The following GKAP1 variants were observed in gnomAD, a reference collection of about 807,000 sequenced individuals.
GKAP1 encodes the protein G kinase anchoring protein 1, also known as G kinase-anchoring protein 1.
Under a neutral mutation model 56.7 loss-of-function variants are expected in GKAP1, and 31 were observed. The observed-to-expected ratio is 0.55, with a 90% CI of 0.41 to 0.74. The LOEUF is 0.74. GKAP1 is among the 30% of genes least tolerant of loss of function. The pLI is 0.00. For synonymous variants in GKAP1, 151 were observed against 138.6 expected (o/e 1.09, Z -0.63); for missense variants, 364 against 402.3 (o/e 0.90, Z 0.82).
At chr9:83,812,998 G>A (rs1944533745) in intron 2 of GKAP1, among the ~76,000 whole-genome samples, 1 of 152,070 alleles carries the variant, frequency 6.6e-6, no homozygotes, top group South Asian at 2.1e-4. Flanking sequence ...ATCTTGATAA[G>A]AAGAAACAAA....
chr9:83,802,228 C>T (rs1944341959), intron 3 of GKAP1, among the ~76,000 whole-genome samples: 1 of 152,160 alleles, frequency 6.6e-6, no homozygotes, highest in Non-Finnish European at 1.5e-5. Flanking sequence ...CACCTGCAAT[C>T]CCAGTACTTT....
intron 4 of GKAP1, 31 bp downstream of exon 4, chr9:83,799,154 A>C: frequency 6.2e-7 from 1 of 1,604,452 alleles, no homozygotes; most frequent in Non-Finnish European, 8.5e-7. Context: ...ATTCAATGAA[A>C]AACAAAGCAA....
At chr9:83,783,079 A>C (rs1944004371) in intron 6 of GKAP1, among the ~76,000 whole-genome samples, 1 of 152,220 alleles carries the variant, frequency 6.6e-6, no homozygotes, top group Non-Finnish European at 1.5e-5. Flanking sequence ...GGAAAACAAT[A>C]TAATCTTCTA....
intron 7 of GKAP1, among the ~76,000 whole-genome samples, chr9:83,774,985 G>C (rs1376886981): frequency 6.7e-6 from 1 of 149,530 alleles, no homozygotes; most frequent in African/African-American, 2.4e-5. Context: ...GGGATTACAG[G>C]GGTGACCCAC....
At chr9:83,740,612 C>T (rs1318168713) in intron 12 of GKAP1, among the ~76,000 whole-genome samples, 1 of 152,048 alleles carries the variant, frequency 6.6e-6, no homozygotes, top group East Asian at 1.9e-4. Flanking sequence ...TCAGAATTAC[C>T]TAAGCAGTAA....
chr9:83,806,631 A>AC (rs1465096014), intron 2 of GKAP1, 71 bp from the exon 3 acceptor site: 1 of 823,158 alleles, frequency 1.2e-6, no homozygotes, highest in African/African-American at 1.7e-5. Context: ...TTCTAAAACA[A>AC]CCATATGTAG....
At chr9:83,801,798 A>C (rs940325278) in intron 3 of GKAP1, among the ~76,000 whole-genome samples, 1 of 152,208 alleles carries the variant, frequency 6.6e-6, no homozygotes, top group Non-Finnish European at 1.5e-5. Flanking sequence ...AAAAGAAAAT[A>C]GTGGGCAATC....
At chr9:83,787,397 C>T (rs1944083044) in intron 5 of GKAP1, among the ~76,000 whole-genome samples, 1 of 114,632 alleles carries the variant, frequency 8.7e-6, no homozygotes, top group South Asian at 2.8e-4. Flanking sequence ...CCACCATGCC[C>T]AGCTAATTAA....
At chr9:83,814,808 C>T (rs1438008228) in intron 2 of GKAP1, among the ~76,000 whole-genome samples, 3 of 152,206 alleles carry the variant, frequency 2.0e-5, no homozygotes, top group Non-Finnish European at 2.9e-5. Flanking sequence ...TGTTTCATTA[C>T]GGTAAGTACT....
chr9:83,775,648 G>T (rs530233371), intron 7 of GKAP1, among the ~76,000 whole-genome samples: 4 of 151,976 alleles, frequency 2.6e-5, no homozygotes, highest in African/African-American at 9.6e-5. Flanking sequence ...GGCCAAGGCC[G>T]GTAGATCACT....
chr9:83,748,518 C>A (rs1056232222), intron 9 of GKAP1, 146 bp from the exon 10 acceptor site: 1 of 486,160 alleles, frequency 2.1e-6, no homozygotes, highest in Admixed American at 3.9e-5. Context: ...AAAATGTATT[C>A]GGAACTATCT....
chr9:83,763,639 C>T (rs1361171554), intron 8 of GKAP1, among the ~76,000 whole-genome samples: 3 of 152,176 alleles, frequency 2.0e-5, no homozygotes. Flanking sequence ...TTTCTCCTCA[C>T]AAAGCCATCT....
At chr9:83,745,019 A>C (rs1172193765) in intron 10 of GKAP1, among the ~76,000 whole-genome samples, 1 of 152,118 alleles carries the variant, frequency 6.6e-6, no homozygotes, top group Non-Finnish European at 1.5e-5. Context: ...TTACAATTCA[A>C]GGTGAGATTT....
Position 83,751,729 on chromosome 9 carries a change from C to T in GKAP1, c.840+1529G>A, listed in dbSNP as rs1226288670. Among the ~76,000 whole-genome samples, 3 of 148,648 alleles carry T rather than the reference C, an allele frequency of 2.0e-5. No homozygotes were observed. The East Asian group carries it at 5.9e-4, about 29-fold the overall frequency. On this transcript the variant is annotated intron_variant, in intron 9 of 12. Transcript: ENST00000376371. Reference sequence around the variant, plus strand: ...TCATATTAGTCAAAAAGGAATGATACTTGATATGAATAACAGATTTAAAAA... The same window carrying T: ...TCATATTAGTCAAAAAGGAATGATATTTGATATGAATAACAGATTTAAAAA...
chr9:83,769,864 T>C (rs1307745752), intron 7 of GKAP1, among the ~76,000 whole-genome samples: 1 of 152,212 alleles, frequency 6.6e-6, no homozygotes, highest in Admixed American at 6.5e-5. Flanking sequence ...CACATTCTCA[T>C]CAACACTTGT....
chr9:83,746,076 C>T (rs947141163), intron 10 of GKAP1, among the ~76,000 whole-genome samples: 5 of 152,106 alleles, frequency 3.3e-5, no homozygotes, highest in African/African-American at 1.2e-4. Flanking sequence ...TAGGCATGAG[C>T]CACTGCGCCT....
chr9:83,803,968 G>A (rs1457437656), intron 3 of GKAP1, among the ~76,000 whole-genome samples: 5 of 150,056 alleles, frequency 3.3e-5, no homozygotes, highest in South Asian at 4.2e-4. Context: ...GGTGAGGAGC[G>A]TCTCTGCCCA....
intron 3 of GKAP1, among the ~76,000 whole-genome samples, chr9:83,805,523 T>C (rs948668599): frequency 3.3e-5 from 5 of 152,100 alleles, no homozygotes; most frequent in East Asian, 1.9e-4. Context: ...TGTGGATTCA[T>C]TTAAAATAAC....
At chr9:83,753,134 GAACATAAAA>G (rs530137261) in intron 9 of GKAP1, 115 bp downstream of exon 9, 24 of 607,332 alleles carry the variant, frequency 4.0e-5, no homozygotes, top group Non-Finnish European at 6.6e-5. Context: ...AAGAGTTTAA[GAACATAAAA>G]AACAGAATGA....
Sources: gnomAD v4.1 joint callset for allele counts (sites outside exome capture counted in the v4.1 genomes callset) on GRCh38, gnomAD v4.1.1 for gene constraint, MANE v1.5 for transcripts, NCBI Gene and HGNC (gene_info 2026-07-23, HGNC 2026-07-21) for gene names.